The following SLC45A2 variants were observed in gnomAD, a reference collection of about 807,000 sequenced individuals.
SLC45A2 encodes solute carrier family 45 member 2.
Under a neutral mutation model 45.5 loss-of-function variants are expected in SLC45A2, and 36 were observed. The observed-to-expected ratio is 0.79, with a 90% confidence interval of 0.61 to 1.04. The LOEUF is 1.04. Ranked by LOEUF, SLC45A2 falls within the 50% of genes least tolerant of loss-of-function variation. The pLI, the probability that SLC45A2 is intolerant of heterozygous loss-of-function variation, is 0.00. For missense variants in SLC45A2, 719 were observed against 671.0 expected (o/e 1.07, Z -0.79); for synonymous variants, 306 against 269.3 (o/e 1.14, Z -1.33).
chr5:33,984,473 CATG>C lies in SLC45A2; in HGVS notation c.108_110del (p.Ile36del), dbSNP rs1041539508. ...CTCTTCCGAACATGGCCATGCTGTGCATGATGAGTCTGCTGGTGGGTCTTTTAG... is the reference window on the plus strand; with the variant it reads ...CTCTTCCGAACATGGCCATGCTGTGCATGAGTCTGCTGGTGGGTCTTTTAG... On this transcript the variant is annotated inframe_deletion, in exon 1 of 7. Transcript: ENST00000296589. 33 of 1,613,556 alleles carry C rather than the reference CATG, an allele frequency of 2.0e-5. No homozygotes were observed. The highest frequency in any genetic ancestry group is 2.7e-5 in the Non-Finnish European group (32 of 1,180,036).
At chr5:33,957,701 A>G (rs1180557544) in intron 3 of SLC45A2, among the ~76,000 whole-genome samples, 1 of 152,192 alleles carries the variant, frequency 6.6e-6, no homozygotes, top group Non-Finnish European at 1.5e-5. Context: ...CATGCCTCCA[A>G]CTAAATGGTT....
intron 2 of SLC45A2, among the ~76,000 whole-genome samples, chr5:33,970,705 C>T (rs1752752696): frequency 6.6e-6 from 1 of 152,196 alleles, no homozygotes; most frequent in South Asian, 2.1e-4. Flanking sequence ...AACTGAATAT[C>T]CATCTCACCA....
At chr5:33,954,623 T>C (rs1752223057) in intron 3 of SLC45A2, 119 bp from the exon 4 acceptor site, 2 of 1,412,086 alleles carry the variant, frequency 1.4e-6, no homozygotes, top group African/African-American at 2.8e-5. Context: ...AAAGTGTCAC[T>C]TTTCCTGGAC....
chr5:33,949,871 A>G (rs1189566275), intron 5 of SLC45A2, among the ~76,000 whole-genome samples: 1 of 144,214 alleles, frequency 6.9e-6, no homozygotes, highest in East Asian at 1.9e-4. Flanking sequence ...ATAAGTTTAG[A>G]TTGACACTTT....
chr5:33,982,115 G>T, intron 2 of SLC45A2, 121 bp downstream of exon 2: 1 of 1,085,954 alleles, frequency 9.2e-7, no homozygotes. Flanking sequence ...CATGACGGGA[G>T]CAGCCCATCA....
At chr5:33,964,117 GC>G in intron 2 of SLC45A2, 101 bp from the exon 3 acceptor site, 1 of 1,181,354 alleles carries the variant, frequency 8.5e-7, no homozygotes, top group Non-Finnish European at 1.2e-6. Context: ...CCTGAAGACA[GC>G]AGAGGCAACC....
Position 33,963,774 on chromosome 5 carries a change from C to T in SLC45A2, c.805G>A (p.Gly269Ser), listed in dbSNP as rs762493958. ...PLSSDGMYEYGSIEKVKNGYV... is the reference protein window; with the variant it reads ...PLSSDGMYEYSSIEKVKNGYV... ...CCATTTTTAACTTTCTCGATAGAAC[C>T]ATACTCGTACATTCCATCTGATGAC... The change falls in exon 3 of 7, where the codon GGT becomes AGT. Residue 269 changes from glycine to serine, a missense_variant. Gly to Ser is a moderately conservative substitution (Grantham distance 56). Transcript: ENST00000296589. 1 of 1,614,186 alleles carries T rather than the reference C, an allele frequency of 6.2e-7. No homozygotes were observed.
At position 33,947,328 on chromosome 5, in the gene SLC45A2, G is replaced by GTAAAGACCCTTTAATCCAATGTAGT. The variant is rs771984796; in HGVS notation, c.1202_1203insACTACATTGGATTAAAGGGTCTTTA (p.Tyr401Ter). 8 of 1,614,094 alleles carry GTAAAGACCCTTTAATCCAATGTAGT rather than the reference G, an allele frequency of 5.0e-6. No homozygotes were observed. The highest frequency in any genetic ancestry group is 6.8e-6 in the Non-Finnish European group (8 of 1,180,046). ...GGCCAAACAGCAAATATCCCGTGAAGTAAAGACCCTTTAATCCAATGTAGG... is the reference window on the plus strand; with the variant it reads ...GGCCAAACAGCAAATATCCCGTGAAGTAAAGACCCTTTAATCCAATGTAGTTAAAGACCCTTTAATCCAATGTAGG... On this transcript the variant is annotated stop_gained and frameshift_variant, in exon 6 of 7. Coordinates refer to ENST00000296589, the MANE Select transcript of SLC45A2 (RefSeq NM_016180.5). LOFTEE classifies it high-confidence loss of function.
chr5:33,983,138 C>CT (rs1753130981), intron 1 of SLC45A2, among the ~76,000 whole-genome samples: 1 of 152,240 alleles, frequency 6.6e-6, no homozygotes, highest in Non-Finnish European at 1.5e-5. Context: ...TCAGAGGCCA[C>CT]ATCTTTGAAC....
chr5:33,964,075 T>C (rs1405552167), intron 2 of SLC45A2, 59 bp from the exon 3 acceptor site: 1 of 1,549,848 alleles, frequency 6.5e-7, no homozygotes, highest in African/African-American at 1.4e-5. Context: ...ATTTTCCTCA[T>C]GCATAGACAC....
chr5:33,952,943 G>A (rs953333214), intron 4 of SLC45A2, among the ~76,000 whole-genome samples: 1 of 100,894 alleles, frequency 9.9e-6, no homozygotes, highest in Non-Finnish European at 2.0e-5. Context: ...AATATGCGGT[G>A]TTTGGTTTTT....
At chr5:33,964,857 T>C (rs1022511368) in intron 2 of SLC45A2, among the ~76,000 whole-genome samples, 2 of 152,232 alleles carry the variant, frequency 1.3e-5, no homozygotes, top group African/African-American at 4.8e-5. Flanking sequence ...GGGCAAGAAA[T>C]TACTCAGCAC....
At chr5:33,967,119 C>A (rs1404810771) in intron 2 of SLC45A2, among the ~76,000 whole-genome samples, 2 of 152,190 alleles carry the variant, frequency 1.3e-5, no homozygotes, top group Admixed American at 6.5e-5. Context: ...CCCCTAGAAG[C>A]AGAAGATAGC....
At chr5:33,949,041 C>A (rs1281627018) in intron 5 of SLC45A2, among the ~76,000 whole-genome samples, 1 of 152,164 alleles carries the variant, frequency 6.6e-6, no homozygotes, top group Non-Finnish European at 1.5e-5. Context: ...ATTTAAGCAC[C>A]AGTTATGACT....
chr5:33,948,411 T>C (rs988288665), intron 5 of SLC45A2, among the ~76,000 whole-genome samples: 4 of 152,154 alleles, frequency 2.6e-5, no homozygotes, highest in Admixed American at 2.6e-4. Flanking sequence ...CCTGCCCCAT[T>C]CTCCTGGAAC....
At chr5:33,961,271 A>T (rs1384089668) in intron 3 of SLC45A2, among the ~76,000 whole-genome samples, 1 of 152,178 alleles carries the variant, frequency 6.6e-6, no homozygotes, top group Admixed American at 6.5e-5. Flanking sequence ...AAAAGCTAAC[A>T]TCAAGGAGTC....
In SLC45A2 at chr5:33,975,214, T is replaced by C. The variant is rs577426674; in HGVS notation, c.562+7022A>G. On this transcript the variant is annotated intron_variant, in intron 2 of 6. Transcript: ENST00000296589. ...CTGGTCATGAGACAAAGTAATTAAA[T>C]GAGCATATTTGTCTAATTGATGCAA... 2.1e-4 allele frequency among the ~76,000 whole-genome samples: 32 copies of C among 152,370 alleles called. No homozygotes were observed. The South Asian group carries it at 6.2e-3, about 30-fold the overall frequency.
At chr5:33,957,173 C>G (rs967017098) in intron 3 of SLC45A2, among the ~76,000 whole-genome samples, 4 of 152,020 alleles carry the variant, frequency 2.6e-5, no homozygotes, top group African/African-American at 9.7e-5. Context: ...AGAAAGAAAC[C>G]TTGGGAATAT....
chr5:33,977,063 T>A (rs1752949616), intron 2 of SLC45A2, among the ~76,000 whole-genome samples: 1 of 152,194 alleles, frequency 6.6e-6, no homozygotes, highest in African/African-American at 2.4e-5. Flanking sequence ...GGAGCCCTAA[T>A]TCAAATCCAA....
Sources: gnomAD v4.1 joint callset for allele counts (sites outside exome capture counted in the v4.1 genomes callset) on GRCh38, gnomAD v4.1.1 for gene constraint, MANE v1.5 for transcripts, NCBI Gene and HGNC (gene_info 2026-07-23, HGNC 2026-07-21) for gene names.